Variants in ANXA4 observed in about 807,000 individuals in gnomAD.
ANXA4 encodes the protein annexin A4.
Under a neutral mutation model 49.8 loss-of-function variants are expected in ANXA4, and 39 were observed. That is an observed-to-expected ratio of 0.78 (90% CI 0.61 to 1.02). The LOEUF (loss-of-function observed/expected upper bound fraction) is 1.02. Among genes scored for constraint, ANXA4 ranks in the 50% least tolerant of loss-of-function variants. The pLI, the probability that ANXA4 is intolerant of heterozygous loss-of-function variation, is 0.00. For synonymous variants in ANXA4, 134 were observed against 152.5 expected, an observed-to-expected ratio of 0.88 and a Z score of 0.89; for missense variants, 360 against 410.1, an observed-to-expected ratio of 0.88 and a Z score of 1.05.
chr2:69,781,513 A>T lies in ANXA4; in HGVS notation c.-46-7A>T. On this transcript the variant is annotated splice_polypyrimidine_tract_variant and splice_region_variant and intron_variant, in intron 1 of 12. Coordinates refer to ENST00000394295, the MANE Select transcript of ANXA4 (RefSeq NM_001153.5). ...TCACAGTAATTTCCCCTCTGCTTTT[A>T]TCACAGAAGAACTTCTGCTTGGGTG... The T allele has an allele frequency of 6.2e-7, 1 of 1,611,106 alleles. No individual in the cohort carries two copies. The highest frequency in any genetic ancestry group is 8.5e-7 in the Non-Finnish European group (1 of 1,177,588).
chr2:69,719,085 T>C (rs967616235), intron 2 of ANXA4, among the ~76,000 whole-genome samples: 1 of 151,348 alleles, frequency 6.6e-6, no homozygotes, highest in East Asian at 2.0e-4. Context: ...CAAGTGATTC[T>C]CCTGCCTCAT....
At chr2:69,651,871 A>C (rs533220248) in intron 1 of ANXA4, among the ~76,000 whole-genome samples, 49 of 129,112 alleles carry the variant, frequency 3.8e-4, no homozygotes, top group African/African-American at 1.5e-3. Context: ...GCTGGAGTGC[A>C]GTGGCGTGAT....
intron 1 of ANXA4, among the ~76,000 whole-genome samples, chr2:69,780,762 G>T (rs1186777124): frequency 1.3e-5 from 2 of 152,122 alleles, no homozygotes; most frequent in Non-Finnish European, 2.9e-5. Flanking sequence ...GAAAAGAGAA[G>T]GTGCCTTGTT....
chr2:69,669,336 G>A (rs538070087), intron 2 of ANXA4, among the ~76,000 whole-genome samples: 11 of 151,928 alleles, frequency 7.2e-5, no homozygotes, highest in African/African-American at 1.4e-4. Context: ...AAGGCCGGGC[G>A]CAGTGGCTCA....
At position 69,781,563 on chromosome 2, in the gene ANXA4, G is replaced by C; in HGVS notation, c.-3G>C. The C allele has an allele frequency of 6.2e-7, 1 of 1,614,032 alleles. No individual in the cohort carries two copies. Among genetic ancestry groups the C allele is most frequent in the Non-Finnish European group, 8.5e-7 (1 of 1,180,010 alleles). ...GGCTGAACTCTGATCTTGACCTAGA[G>C]TCATGGCCATGGTAAGTTGTGAAAT... On this transcript the variant is annotated 5_prime_UTR_variant, in exon 2 of 13. Coordinates refer to ENST00000394295, the MANE Select transcript of ANXA4 (RefSeq NM_001153.5).
intron 5 of ANXA4, 51 bp downstream of exon 5, chr2:69,806,549 G>T: frequency 6.8e-7 from 1 of 1,464,476 alleles, no homozygotes; most frequent in Non-Finnish European, 9.6e-7. Context: ...AAACGCTGAT[G>T]TGCTTTCTTA....
At chr2:69,747,460 T>TTGA (rs1670657397) in intron 1 of ANXA4, among the ~76,000 whole-genome samples, 1 of 152,228 alleles carries the variant, frequency 6.6e-6, no homozygotes, top group Admixed American at 6.5e-5. Flanking sequence ...TTGCTACTTT[T>TTGA]TGATGCTGTG....
chr2:69,746,821 A>C (rs991168651), intron 1 of ANXA4, among the ~76,000 whole-genome samples: 2 of 22,064 alleles, frequency 9.1e-5, no homozygotes, highest in African/African-American at 3.2e-4. Context: ...AAACAAACAA[A>C]CAAATGAAAA....
intron 2 of ANXA4, among the ~76,000 whole-genome samples, chr2:69,700,621 T>C (rs56718363): frequency 0.14 from 20,972 of 152,208 alleles, 2,058 homozygotes; most frequent in East Asian, 0.37. Context: ...TTCTGTGGCA[T>C]GCTATTGCCT....
At chr2:69,770,781 C>T (rs996376631) in intron 1 of ANXA4, among the ~76,000 whole-genome samples, 25 of 152,022 alleles carry the variant, frequency 1.6e-4, no homozygotes, top group African/African-American at 4.8e-4. Flanking sequence ...ACACATATTG[C>T]TAATTTATTT....
chr2:69,703,390 A>G (rs1484669266), intron 2 of ANXA4, among the ~76,000 whole-genome samples: 4 of 151,828 alleles, frequency 2.6e-5, no homozygotes, highest in Non-Finnish European at 5.9e-5. Flanking sequence ...CCCAAAAGAA[A>G]CCTTCCACCC....
intron 1 of ANXA4, among the ~76,000 whole-genome samples, chr2:69,773,437 G>C (rs1377985095): frequency 6.6e-6 from 1 of 152,106 alleles, no homozygotes; most frequent in African/African-American, 2.4e-5. Context: ...ATTAGCATAT[G>C]AATCATACTT....
intron 2 of ANXA4, among the ~76,000 whole-genome samples, chr2:69,700,032 G>T (rs931304451): frequency 1.6e-4 from 24 of 151,902 alleles, no homozygotes; most frequent in Non-Finnish European, 3.1e-4. Flanking sequence ...AAGGAGAGAG[G>T]GAAAAACTGA....
chr2:69,817,181 A>G (rs1343271493), intron 9 of ANXA4: 1 of 152,252 alleles, frequency 6.6e-6, no homozygotes, highest in African/African-American at 2.4e-5. Context: ...GATTTAGTGC[A>G]TAAATGCATT....
intron 3 of ANXA4, among the ~76,000 whole-genome samples, chr2:69,801,678 A>G (rs1673201041): frequency 6.6e-6 from 1 of 152,152 alleles, no homozygotes; most frequent in Admixed American, 6.5e-5. Context: ...TGCTAGGATT[A>G]CAGGCATGAG....
At position 69,717,599 on chromosome 2, in the gene ANXA4, T is replaced by C. The variant is rs139154660; in HGVS notation, n.767-3175T>C. ...TTTCATTTCTGGAATTACCCGTCGC[T>C]GCATCTTTCTGTTACCGCCATTTCC... On this transcript the variant is annotated intron_variant and non_coding_transcript_variant, in intron 2 of 3. Transcript: ENST00000418066. 8.6e-3 allele frequency among the ~76,000 whole-genome samples: 1,307 copies of C among 152,334 alleles called. 18 individuals carry two copies. Among genetic ancestry groups the C allele is most frequent in the African/African-American group, 0.03 (1,230 of 41,568 alleles).
intron 2 of ANXA4, among the ~76,000 whole-genome samples, chr2:69,668,568 C>A (rs1449905600): frequency 6.6e-6 from 1 of 152,126 alleles, no homozygotes; most frequent in Non-Finnish European, 1.5e-5. Context: ...ACATATATAT[C>A]TTTCTCATTA....
chr2:69,795,292 G>T (rs2103755408), intron 3 of ANXA4, among the ~76,000 whole-genome samples: 1 of 152,302 alleles, frequency 6.6e-6, no homozygotes, highest in African/African-American at 2.4e-5. Flanking sequence ...TGGCCGGAGG[G>T]ATCCTTACAG....
At chr2:69,682,321 T>A (rs115282295) in intron 2 of ANXA4, among the ~76,000 whole-genome samples, 1 of 152,164 alleles carries the variant, frequency 6.6e-6, no homozygotes, top group Non-Finnish European at 1.5e-5. Context: ...TTTCAATAAA[T>A]TTTTTTTAAA....
Sources: allele counts gnomAD v4.1 joint callset (sites outside exome capture counted in the v4.1 genomes callset), GRCh38; gene constraint gnomAD v4.1.1; transcripts MANE v1.5; gene names NCBI Gene and HGNC (gene_info 2026-07-23, HGNC 2026-07-21).